Variants in DNAH3 observed in about 807,000 individuals in gnomAD.
The protein encoded by DNAH3 is axonemal beta dynein heavy chain 3.
Under a neutral mutation model 432.5 loss-of-function variants are expected in DNAH3, and 332 were observed. The observed-to-expected ratio is 0.77, with a 90% CI of 0.70 to 0.84. The LOEUF is 0.84. Among genes scored for constraint, DNAH3 ranks in the 40% least tolerant of loss-of-function variants. DNAH3 has a pLI of 0.00. For synonymous variants in DNAH3, 1,956 were observed against 1,900.2 expected, an observed-to-expected ratio of 1.03 and a Z score of -0.76; for missense variants, 4,861 against 5,114.0, an observed-to-expected ratio of 0.95 and a Z score of 1.51.
chr16:20,933,401 C>G, exon 62 of DNAH3: 2 of 1,614,162 alleles, frequency 1.2e-6, no homozygotes, highest in Non-Finnish European at 1.7e-6. Context: ...GAGAGATTCC[C>G]CAATCTGCAT....
chr16:21,138,983 G>C (rs1246543702), intron 5 of DNAH3, among the ~76,000 whole-genome samples: 1 of 152,154 alleles, frequency 6.6e-6, no homozygotes, highest in African/African-American at 2.4e-5. Context: ...GGGTCAAGTA[G>C]CTATAGAGGG....
At chr16:21,003,646 G>A (rs948693004) in intron 41 of DNAH3, among the ~76,000 whole-genome samples, 8 of 151,890 alleles carry the variant, frequency 5.3e-5, no homozygotes, top group South Asian at 2.1e-4. Flanking sequence ...ATGGTGGCAC[G>A]TGCCTGTAGT....
intron 7 of DNAH3, among the ~76,000 whole-genome samples, chr16:21,130,303 CTTTT>C (rs59707842): frequency 7.5e-6 from 1 of 133,418 alleles, no homozygotes; most frequent in East Asian, 2.2e-4. Context: ...AAGCCCTCCA[CTTTT>C]TTTTTTTTTT....
intron 49 of DNAH3, among the ~76,000 whole-genome samples, chr16:20,981,471 C>T (rs1219692017): frequency 1.3e-5 from 2 of 152,240 alleles, no homozygotes; most frequent in South Asian, 2.1e-4. Flanking sequence ...CGGTGGCTCA[C>T]GCCTGTAATC....
At chr16:21,154,658 A>G (rs1256469130) in intron 1 of DNAH3, among the ~76,000 whole-genome samples, 2 of 152,188 alleles carry the variant, frequency 1.3e-5, no homozygotes, top group African/African-American at 4.8e-5. Flanking sequence ...TATTTTCACA[A>G]GTTTTATGAT....
At chr16:20,949,756 T>G (rs1028791261) in intron 56 of DNAH3, among the ~76,000 whole-genome samples, 1 of 152,204 alleles carries the variant, frequency 6.6e-6, no homozygotes, top group African/African-American at 2.4e-5. Flanking sequence ...ATCTATGATG[T>G]CTTTTATACC....
chr16:21,007,521 C>T (rs553031985), intron 41 of DNAH3, among the ~76,000 whole-genome samples: 8 of 152,184 alleles, frequency 5.3e-5, no homozygotes, highest in South Asian at 2.1e-4. Context: ...CTGTAAATAA[C>T]GGTCTATTCA....
At chr16:20,947,862 C>T (rs577744311) in intron 57 of DNAH3, among the ~76,000 whole-genome samples, 1 of 152,136 alleles carries the variant, frequency 6.6e-6, no homozygotes, top group Admixed American at 6.5e-5. Context: ...CCACAACCTC[C>T]ACCTCCCAGT....
chr16:21,033,269 G>A (rs1409204793), intron 36 of DNAH3, among the ~76,000 whole-genome samples: 2 of 152,238 alleles, frequency 1.3e-5, no homozygotes, highest in Admixed American at 1.3e-4. Flanking sequence ...AGCAATGCAT[G>A]CACGAAAAGG....
At chr16:20,956,384 T>C (rs2084566813) in intron 54 of DNAH3, among the ~76,000 whole-genome samples, 1 of 152,218 alleles carries the variant, frequency 6.6e-6, no homozygotes, top group Non-Finnish European at 1.5e-5. Context: ...CCCAGTTCAC[T>C]GCAAGCCCCA....
chr16:20,988,142 C>A lies in DNAH3; in HGVS notation c.6602-77G>T, dbSNP rs4783517. On this transcript the variant is annotated intron_variant, in intron 44 of 61. Coordinates refer to ENST00000261383, the Ensembl canonical transcript of DNAH3. ...ACTGTCTGTGACCCTAGGATGCACACGAGGTGGCTTTGCCTTCTGCCTTCA... is the reference window on the plus strand; with the variant it reads ...ACTGTCTGTGACCCTAGGATGCACAAGAGGTGGCTTTGCCTTCTGCCTTCA... The A allele has an allele frequency of 0.47, 737,310 of 1,576,530 alleles. 173,747 individuals are homozygous for A. The highest frequency in any genetic ancestry group is 0.59 in the South Asian group (51,181 of 86,156).
At chr16:20,973,650 A>T (rs917551767) in intron 51 of DNAH3, among the ~76,000 whole-genome samples, 19 of 152,218 alleles carry the variant, frequency 1.2e-4, no homozygotes, top group Admixed American at 1.2e-3. Flanking sequence ...CATCAGTGCT[A>T]ATTGAAGAAG....
At chr16:21,138,317 G>A (rs7184848) in intron 5 of DNAH3, among the ~76,000 whole-genome samples, 70,741 of 151,836 alleles carry the variant, frequency 0.47, 16,944 homozygotes, top group East Asian at 0.68. Context: ...TCTCTCCAAC[G>A]TTAGTAAAAG....
chr16:21,001,451 T>C (rs548850992), intron 42 of DNAH3, among the ~76,000 whole-genome samples: 9 of 152,298 alleles, frequency 5.9e-5, no homozygotes, highest in African/African-American at 9.6e-5. Flanking sequence ...ATGTCAATGG[T>C]GCCTTCTAAA....
At chr16:21,125,129 C>A (rs763832764) in intron 9 of DNAH3, 46 bp downstream of exon 10, 3 of 1,487,354 alleles carry the variant, frequency 2.0e-6, no homozygotes, top group Non-Finnish European at 2.7e-6. Flanking sequence ...AACCAAGTAA[C>A]CAGGTTATTC....
At chr16:20,958,754 T>C (rs983644747) in intron 54 of DNAH3, among the ~76,000 whole-genome samples, 1 of 152,070 alleles carries the variant, frequency 6.6e-6, no homozygotes, top group African/African-American at 2.4e-5. Context: ...TGGCCTGCCT[T>C]CTGCTATACT....
intron 21 of DNAH3, among the ~76,000 whole-genome samples, chr16:21,072,601 A>G (rs1180310863): frequency 6.6e-6 from 1 of 151,966 alleles, no homozygotes; most frequent in African/African-American, 2.4e-5. Flanking sequence ...TGCTGGGATT[A>G]CAAGCATGAC....
At chr16:21,007,902 C>A (rs1428522202) in intron 41 of DNAH3, among the ~76,000 whole-genome samples, 2 of 152,122 alleles carry the variant, frequency 1.3e-5, no homozygotes, top group Non-Finnish European at 2.9e-5. Context: ...ACTACAAATT[C>A]ACTCTTTTAC....
intron 9 of DNAH3, among the ~76,000 whole-genome samples, chr16:21,124,216 T>C (rs2092400997): frequency 6.6e-6 from 1 of 152,164 alleles, no homozygotes; most frequent in Non-Finnish European, 1.5e-5. Context: ...AAAACCCATA[T>C]CTACAATGAA....
Sources: gnomAD v4.1 joint callset for allele counts (sites outside exome capture counted in the v4.1 genomes callset) on GRCh38, gnomAD v4.1.1 for gene constraint, MANE v1.5 for transcripts, NCBI Gene and HGNC (gene_info 2026-07-23, HGNC 2026-07-21) for gene names.